The following PALB2 variants were observed in gnomAD, a reference collection of about 807,000 sequenced individuals.
PALB2 encodes the protein mutant partner and localizer of BRCA2.
A neutral mutation model predicts 107.4 loss-of-function variants in PALB2; 82 were observed. That is an observed-to-expected ratio of 0.76 (90% CI 0.64 to 0.92). PALB2 has a LOEUF of 0.92. PALB2 is among the 40% of genes least tolerant of loss of function. PALB2 has a pLI of 0.00. For synonymous variants in PALB2, 489 were observed against 496.8 expected (o/e 0.98, Z 0.21); for missense variants, 1,374 against 1,379.9 (o/e 1.00, Z 0.07).
In PALB2 at chr16:23,603,605, T is replaced by C. The variant is rs1249960937; in HGVS notation, c.3415A>G (p.Ile1139Val). 3.7e-6 allele frequency: 6 copies of C among 1,613,874 alleles called. No individual in the cohort carries two copies. The African/African-American group carries it at 4.0e-5, about 11-fold the overall frequency. The change falls in exon 13 of 13, where the codon ATT becomes GTT. Residue 1139 changes from isoleucine (I) to valine (V), a missense_variant. Physicochemically the swap from Ile to Val is conservative, Grantham distance 29 (BLOSUM62 3). Coordinates refer to ENST00000261584, the MANE Select transcript of PALB2 (RefSeq NM_024675.4). ...AAILTSGTIA[I>V]WDLLLGQCTA... Reference sequence around the variant, plus strand: ...CACTGACCGAGAAGTAAGTCCCAAATGGCAATTGTTCCAGAAGTCAAGATT... The same window carrying C: ...CACTGACCGAGAAGTAAGTCCCAAACGGCAATTGTTCCAGAAGTCAAGATT...
At chr16:23,631,095 C>T (rs1160683401) in intron 4 of PALB2, among the ~76,000 whole-genome samples, 1 of 141,724 alleles carries the variant, frequency 7.1e-6, no homozygotes, top group Non-Finnish European at 1.5e-5. Flanking sequence ...GAAACCCCGT[C>T]TCTACTAAAA....
In PALB2 at chr16:23,603,275, T is replaced by C; in HGVS notation, c.*184A>G. ...CAACCTAAAACCCTTTTTCTCAAAG[T>C]ATACATAAATGTACATCCAAGATCA... On this transcript the variant is annotated 3_prime_UTR_variant, in exon 13 of 13. Transcript: ENST00000261584. 1 of 586,442 alleles carries C rather than the reference T, an allele frequency of 1.7e-6. No homozygotes were observed. The highest frequency in any genetic ancestry group is 2.1e-5 in the South Asian group (1 of 48,590). The allele number at this position is 586,442 out of a possible 1,614,324, so 36.3% of individuals were successfully genotyped here.
chr16:23,640,750 CA>C (rs1967209349), intron 1 of PALB2: 1 of 288,550 alleles, frequency 3.5e-6, no homozygotes, highest in Non-Finnish European at 6.5e-6. Flanking sequence ...CCCACATTAA[CA>C]CACGAAAGGA....
At chr16:23,616,017 G>C (rs1007168791) in intron 10 of PALB2, among the ~76,000 whole-genome samples, 1 of 152,086 alleles carries the variant, frequency 6.6e-6, no homozygotes, top group East Asian at 1.9e-4. Flanking sequence ...ATCACTCATT[G>C]CTCCATTTCC....
Position 23,625,570 on chromosome 16 carries a change from G to A in PALB2, c.2748+666C>T, listed in dbSNP as rs1041081300. 2.6e-5 allele frequency among the ~76,000 whole-genome samples: 4 copies of A among 151,952 alleles called. No individual in the cohort carries two copies. In the East Asian group the frequency reaches 5.8e-4, roughly 22 times the overall value. ...AGCACTTTGCGAGGCTGAGGCAGGC[G>A]GATTGCCTGAGGTCAGGAGTTCAAG... is the stretch of plus-strand genomic sequence containing the variant. On this transcript the variant is annotated intron_variant, in intron 7 of 12. Coordinates refer to ENST00000261584, the MANE Select transcript of PALB2 (RefSeq NM_024675.4).
intron 1 of PALB2, 180 bp from the exon 2 acceptor site, chr16:23,638,309 T>C: frequency 3.1e-6 from 2 of 649,384 alleles, no homozygotes. Context: ...TTGCATAACC[T>C]GTTCCTATCA....
intron 11 of PALB2, among the ~76,000 whole-genome samples, chr16:23,610,193 T>C (rs1002620363): frequency 6.6e-6 from 1 of 152,210 alleles, no homozygotes; most frequent in East Asian, 1.9e-4. Flanking sequence ...GAGTTGAGTA[T>C]GTAAAACAGA....
chr16:23,631,394 G>C (rs374341899), intron 4 of PALB2, among the ~76,000 whole-genome samples: 1 of 149,924 alleles, frequency 6.7e-6, no homozygotes, highest in Non-Finnish European at 1.5e-5. Context: ...ACTTGAACCC[G>C]GGAGGCAGAG....
At chr16:23,623,852 G>T in intron 8 of PALB2, 157 bp downstream of exon 8, 1 of 645,458 alleles carries the variant, frequency 1.5e-6, no homozygotes, top group Non-Finnish European at 2.7e-6. Context: ...CTTCAGTCAG[G>T]GATGTCATTC....
At chr16:23,619,788 A>AT (rs573181200) in intron 10 of PALB2, among the ~76,000 whole-genome samples, 94 of 149,570 alleles carry the variant, frequency 6.3e-4, no homozygotes, top group Non-Finnish European at 1.2e-3. Context: ...AAAAATTATT[A>AT]TTTTTTTTTG....
At chr16:23,618,892 C>T (rs776896864) in intron 10 of PALB2, among the ~76,000 whole-genome samples, 16 of 152,152 alleles carry the variant, frequency 1.1e-4, no homozygotes, top group Non-Finnish European at 1.9e-4. Context: ...CCAAGCGCTA[C>T]CCTAGACAAC....
intron 1 of PALB2, among the ~76,000 whole-genome samples, chr16:23,639,044 G>C (rs1967136253): frequency 6.6e-6 from 1 of 152,108 alleles, no homozygotes; most frequent in Non-Finnish European, 1.5e-5. Flanking sequence ...AAATGAATTG[G>C]GCTGAATCAA....
intron 10 of PALB2, among the ~76,000 whole-genome samples, chr16:23,618,940 C>A (rs1966727762): frequency 6.6e-6 from 1 of 152,182 alleles, no homozygotes; most frequent in Non-Finnish European, 1.5e-5. Flanking sequence ...CAGATCAGAA[C>A]ATAGTCAAAT....
At position 23,638,366 on chromosome 16, in the gene PALB2, C is replaced by T. The variant is rs1967119307; in HGVS notation, c.49-237G>A. Reference sequence around the variant, plus strand: ...GCCAATTCCTACTGATTCCTCAAACCTTAGCTTAGATTTTTATTTCCCTGG... The same window carrying T: ...GCCAATTCCTACTGATTCCTCAAACTTTAGCTTAGATTTTTATTTCCCTGG... On this transcript the variant is annotated intron_variant, in intron 1 of 12. Transcript: ENST00000261584. 3 of 583,644 alleles carry T rather than the reference C, an allele frequency of 5.1e-6. No individual in the cohort carries two copies. In the Admixed American group the frequency reaches 8.7e-5, roughly 17 times the overall value. The allele number at this position is 583,644 out of a possible 1,614,324, so 36.2% of individuals were successfully genotyped here. A position where few individuals can be genotyped will look rare whatever the true frequency, so the allele number is the denominator to read the frequency against.
intron 1 of PALB2, 63 bp downstream of exon 1, chr16:23,641,046 AG>A: frequency 6.3e-7 from 1 of 1,583,440 alleles, no homozygotes; most frequent in Non-Finnish European, 8.6e-7. Context: ...ACACAAAGCC[AG>A]GCCTAAAACC....
At chr16:23,639,302 G>A (rs1045563902) in intron 1 of PALB2, among the ~76,000 whole-genome samples, 2 of 152,100 alleles carry the variant, frequency 1.3e-5, no homozygotes, top group African/African-American at 4.8e-5. Flanking sequence ...GGAAGCTGAG[G>A]TGGGTGGATC....
At chr16:23,622,292 T>A (rs1039082424) in intron 9 of PALB2, among the ~76,000 whole-genome samples, 1 of 152,140 alleles carries the variant, frequency 6.6e-6, no homozygotes, top group South Asian at 2.1e-4. Flanking sequence ...TTGCAAGTAG[T>A]CAGCACCAAG....
chr16:23,638,476 A>T, intron 1 of PALB2: 1 of 464,788 alleles, frequency 2.2e-6, no homozygotes, highest in Non-Finnish European at 4.2e-6. Flanking sequence ...TTCTCACACT[A>T]TGTTCTCTGT....
chr16:23,621,878 G>A (rs1966779909), intron 9 of PALB2, among the ~76,000 whole-genome samples: 1 of 151,980 alleles, frequency 6.6e-6, no homozygotes, highest in Non-Finnish European at 1.5e-5. Context: ...CACCACTCAA[G>A]TGACCAACCC....
Sources: allele counts gnomAD v4.1 joint callset (sites outside exome capture counted in the v4.1 genomes callset), GRCh38; gene constraint gnomAD v4.1.1; transcripts MANE v1.5; gene names NCBI Gene and HGNC (gene_info 2026-07-23, HGNC 2026-07-21).